Variants in LRRC4C observed in about 807,000 individuals in gnomAD.
LRRC4C encodes leucine rich repeat containing 4C, also known as leucine-rich repeat-containing protein 4C.
LRRC4C carries 5 observed loss-of-function variants against 33.6 expected under a neutral mutation model. The observed-to-expected ratio is 0.15, with a 90% CI of 0.08 to 0.31. The LOEUF is 0.31. LRRC4C is among the 10% of genes least tolerant of loss of function. The pLI is 1.00. For synonymous variants in LRRC4C, 329 were observed against 302.0 expected (o/e 1.09, Z -0.93); for missense variants, 560 against 796.7 (o/e 0.70, Z 3.58).
intron 2 of LRRC4C, among the ~76,000 whole-genome samples, chr11:40,741,133 A>G (rs1358972235): frequency 6.6e-6 from 1 of 152,072 alleles, no homozygotes; most frequent in Non-Finnish European, 1.5e-5. Context: ...TAAGGAAAAA[A>G]AGCCCTAATA....
chr11:40,455,580 A>G (rs531447676), intron 3 of LRRC4C, among the ~76,000 whole-genome samples: 40 of 152,204 alleles, frequency 2.6e-4, no homozygotes, highest in African/African-American at 8.4e-4. Context: ...CATCTGTCCT[A>G]TTCTCTTTTA....
chr11:40,305,639 C>A (rs1944992948), intron 4 of LRRC4C, among the ~76,000 whole-genome samples: 1 of 150,744 alleles, frequency 6.6e-6, no homozygotes, highest in African/African-American at 2.4e-5. Flanking sequence ...AATGTATGTT[C>A]TTAACTTCTA....
At chr11:41,332,541 G>A (rs761615550) in intron 1 of LRRC4C, among the ~76,000 whole-genome samples, 14 of 152,058 alleles carry the variant, frequency 9.2e-5, no homozygotes, top group South Asian at 4.1e-4. Flanking sequence ...ACTCGATACC[G>A]TTTGGAATGT....
chr11:41,056,002 G>T (rs1231692249), intron 1 of LRRC4C, among the ~76,000 whole-genome samples: 2 of 152,044 alleles, frequency 1.3e-5, no homozygotes, highest in Non-Finnish European at 2.9e-5. Context: ...ACAGCCACTG[G>T]CATTAAGAAG....
intron 1 of LRRC4C, among the ~76,000 whole-genome samples, chr11:41,243,147 G>A (rs1424333088): frequency 6.6e-6 from 1 of 152,106 alleles, no homozygotes; most frequent in Non-Finnish European, 1.5e-5. Context: ...ACTCTCTTAT[G>A]TGAAATTATC....
chr11:40,329,845 G>C (rs1462605860), intron 3 of LRRC4C, among the ~76,000 whole-genome samples: 2 of 150,380 alleles, frequency 1.3e-5, no homozygotes, highest in Non-Finnish European at 2.9e-5. Context: ...GGGTTCAAGC[G>C]ATTCTCCTGC....
At chr11:40,182,382 G>A (rs977444796) in intron 5 of LRRC4C, among the ~76,000 whole-genome samples, 1 of 151,966 alleles carries the variant, frequency 6.6e-6, no homozygotes, top group Non-Finnish European at 1.5e-5. Context: ...TATAACTTCT[G>A]GATTCTTCAG....
intron 3 of LRRC4C, among the ~76,000 whole-genome samples, chr11:40,467,340 T>G (rs183224442): frequency 1.3e-5 from 2 of 152,182 alleles, no homozygotes; most frequent in African/African-American, 4.8e-5. Context: ...TCATCATTAT[T>G]ACTTTGAACT....
chr11:41,084,053 G>A (rs1939776120), intron 1 of LRRC4C, among the ~76,000 whole-genome samples: 1 of 152,138 alleles, frequency 6.6e-6, no homozygotes, highest in African/African-American at 2.4e-5. Flanking sequence ...TTTTCCAAAG[G>A]AATTTACAAG....
chr11:41,160,931 T>A (rs1374605925), intron 1 of LRRC4C, among the ~76,000 whole-genome samples: 1 of 152,112 alleles, frequency 6.6e-6, no homozygotes. Flanking sequence ...ATCCACTAAT[T>A]GAGATAAAAG....
intron 2 of LRRC4C, among the ~76,000 whole-genome samples, chr11:40,833,405 T>C (rs1591832845): frequency 6.6e-6 from 1 of 152,300 alleles, no homozygotes; most frequent in East Asian, 1.9e-4. Context: ...TTCAAGTATA[T>C]ATTTTATTTC....
intron 3 of LRRC4C, among the ~76,000 whole-genome samples, chr11:40,413,680 A>G (rs1333884231): frequency 6.6e-6 from 1 of 152,154 alleles, no homozygotes; most frequent in Non-Finnish European, 1.5e-5. Context: ...ACATTCTCTA[A>G]TAAATATGCA....
At chr11:40,139,492 T>C (rs183363128) in intron 6 of LRRC4C, among the ~76,000 whole-genome samples, 2 of 152,134 alleles carry the variant, frequency 1.3e-5, no homozygotes, top group South Asian at 2.1e-4. Context: ...GTGAATAAAA[T>C]GCATCTTTTT....
At chr11:40,293,555 A>G (rs1944346005) in intron 4 of LRRC4C, 1 of 151,976 alleles carries the variant, frequency 6.6e-6, no homozygotes, top group African/African-American at 2.4e-5. Context: ...GGGAGGGCGA[A>G]GTGAGGGGAC....
chr11:41,403,427 G>A (rs186868350), intron 1 of LRRC4C, among the ~76,000 whole-genome samples: 2 of 152,098 alleles, frequency 1.3e-5, no homozygotes, highest in East Asian at 3.9e-4. Context: ...TTTTTAAGTA[G>A]AAATTCCACA....
intron 1 of LRRC4C, among the ~76,000 whole-genome samples, chr11:41,302,742 C>T (rs12221712): frequency 0.045 from 6,878 of 152,032 alleles, 203 homozygotes; most frequent in South Asian, 0.074. Context: ...ATAATAATGC[C>T]AGATTTTGAG....
chr11:40,988,922 G>T (rs1020509479), intron 1 of LRRC4C, among the ~76,000 whole-genome samples: 1 of 151,698 alleles, frequency 6.6e-6, no homozygotes, highest in East Asian at 2.0e-4. Context: ...GGGTTTCACC[G>T]TGTTAGCCAG....
intron 2 of LRRC4C, among the ~76,000 whole-genome samples, chr11:40,725,690 T>G (rs1947257969): frequency 6.6e-6 from 1 of 152,108 alleles, no homozygotes; most frequent in South Asian, 2.1e-4. Flanking sequence ...TAAAGAAACA[T>G]GTTATCAAAC....
chr11:41,284,941 G>A (rs2958856), intron 1 of LRRC4C, among the ~76,000 whole-genome samples: 52,354 of 152,036 alleles, frequency 0.34, 10,887 homozygotes, highest in Non-Finnish European at 0.46. Context: ...ATGAGTCCAC[G>A]GCTAAGGCAG....
Sources: allele counts gnomAD v4.1 joint callset (sites outside exome capture counted in the v4.1 genomes callset), GRCh38; gene constraint gnomAD v4.1.1; transcripts MANE v1.5; gene names NCBI Gene and HGNC (gene_info 2026-07-23, HGNC 2026-07-21).